SLC41A2: variants seen among roughly 807,000 people sequenced by gnomAD.
SLC41A2 encodes the protein solute carrier family 41 member 2.
SLC41A2 carries 32 observed loss-of-function variants against 58.3 expected under a neutral mutation model. The ratio of observed to expected loss-of-function variants is 0.55; its 90% confidence interval spans 0.41 to 0.74. SLC41A2 has a LOEUF of 0.74. Among genes scored for constraint, SLC41A2 ranks in the 30% least tolerant of loss-of-function variants. The probability of loss-of-function intolerance (pLI) is 0.00; values close to 1 mark genes in which losing one functional copy is unlikely to be tolerated. For missense variants in SLC41A2, 514 were observed against 680.6 expected (o/e 0.76, Z 2.72); for synonymous variants, 190 against 235.0 (o/e 0.81, Z 1.75).
intron 1 of SLC41A2, among the ~76,000 whole-genome samples, chr12:104,942,054 T>C (rs2047530639): frequency 6.6e-6 from 1 of 152,186 alleles, no homozygotes; most frequent in African/African-American, 2.4e-5. Flanking sequence ...GAGAACTCTA[T>C]TTTGAAGTTG....
At chr12:104,908,852 G>A (rs1428812354) in intron 3 of SLC41A2, among the ~76,000 whole-genome samples, 1 of 152,044 alleles carries the variant, frequency 6.6e-6, no homozygotes, top group Non-Finnish European at 1.5e-5. Context: ...TTTCTGAATA[G>A]TAATTACAAT....
At chr12:104,880,747 T>C (rs1180864694) in intron 6 of SLC41A2, among the ~76,000 whole-genome samples, 1 of 152,226 alleles carries the variant, frequency 6.6e-6, no homozygotes, top group Non-Finnish European at 1.5e-5. Context: ...TTTGTGTCAA[T>C]GTTTATCAGG....
intron 10 of SLC41A2, chr12:104,833,943 T>A: frequency 1.2e-6 from 1 of 854,736 alleles, no homozygotes; most frequent in Non-Finnish European, 1.4e-6. Context: ...TTCCTCTAAA[T>A]CATATCTGCA....
At chr12:104,912,235 T>C (rs1008797520) in intron 2 of SLC41A2, among the ~76,000 whole-genome samples, 7 of 152,214 alleles carry the variant, frequency 4.6e-5, no homozygotes. Context: ...AATTTAGTGA[T>C]ACACAAAGTG....
At chr12:104,916,166 G>T (rs1301988672) in intron 2 of SLC41A2, among the ~76,000 whole-genome samples, 1 of 152,108 alleles carries the variant, frequency 6.6e-6, no homozygotes, top group East Asian at 1.9e-4. Flanking sequence ...GCTGGATTCG[G>T]TTTGCCAGTA....
intron 6 of SLC41A2, among the ~76,000 whole-genome samples, chr12:104,870,528 T>C (rs1045316263): frequency 9.2e-5 from 14 of 152,236 alleles, no homozygotes; most frequent in Admixed American, 8.5e-4. Flanking sequence ...TTAAAACTTC[T>C]TGGAATTTTA....
chr12:104,910,651 A>G (rs2046044849), intron 2 of SLC41A2, among the ~76,000 whole-genome samples: 1 of 152,164 alleles, frequency 6.6e-6, no homozygotes, highest in African/African-American at 2.4e-5. Flanking sequence ...TTTAAAATTC[A>G]GGCATAACTG....
intron 1 of SLC41A2, among the ~76,000 whole-genome samples, chr12:104,937,629 T>C (rs2047336949): frequency 6.6e-6 from 1 of 152,194 alleles, no homozygotes; most frequent in Admixed American, 6.5e-5. Context: ...TCCCCATCAT[T>C]AAGCCCTTCA....
intron 10 of SLC41A2, among the ~76,000 whole-genome samples, chr12:104,815,601 T>A (rs1314644667): frequency 6.6e-6 from 1 of 152,158 alleles, no homozygotes; most frequent in East Asian, 1.9e-4. Flanking sequence ...TGAAGAAAGA[T>A]GATTTCTTTG....
chr12:104,874,101 T>A (rs1205740734), intron 6 of SLC41A2, among the ~76,000 whole-genome samples: 1 of 144,014 alleles, frequency 6.9e-6, no homozygotes, highest in Non-Finnish European at 1.5e-5. Context: ...TGAGACAGAG[T>A]CTTGCTCAGT....
At chr12:104,923,308 G>T (rs1351854992) in intron 2 of SLC41A2, among the ~76,000 whole-genome samples, 1 of 147,460 alleles carries the variant, frequency 6.8e-6, no homozygotes, top group Non-Finnish European at 1.5e-5. Context: ...CTTGAAGTGA[G>T]CCGTGATCGT....
chr12:104,877,461 T>G (rs1344815037), intron 6 of SLC41A2, among the ~76,000 whole-genome samples: 1 of 152,070 alleles, frequency 6.6e-6, no homozygotes, highest in Non-Finnish European at 1.5e-5. Context: ...TAATTCATCT[T>G]GAATTACTTT....
intron 10 of SLC41A2, among the ~76,000 whole-genome samples, chr12:104,820,352 A>C (rs2041579158): frequency 6.6e-6 from 1 of 152,196 alleles, no homozygotes; most frequent in South Asian, 2.1e-4. Flanking sequence ...AGTTCTAGCT[A>C]CTCAGGAGGC....
intron 2 of SLC41A2, among the ~76,000 whole-genome samples, chr12:104,914,189 T>A (rs1218099776): frequency 6.6e-6 from 1 of 152,206 alleles, no homozygotes; most frequent in Non-Finnish European, 1.5e-5. Flanking sequence ...AAAGAATACC[T>A]AACAATCCTA....
At position 104,909,649 on chromosome 12, in the gene SLC41A2, A is replaced by C. The variant is rs1427352010; in HGVS notation, c.663+6T>G. ...TACACATAATTTGAGGTAGGAAAAA[A>C]CTTACTGCAGTGGATAATCTGGATG... On this transcript the variant is annotated splice_donor_region_variant and intron_variant, in intron 3 of 10. Transcript: ENST00000258538. 3 of 1,593,266 alleles carry C rather than the reference A, an allele frequency of 1.9e-6. No individual in the cohort carries two copies. Among genetic ancestry groups the C allele is most frequent in the African/African-American group, 1.3e-5 (1 of 74,104 alleles).
At chr12:104,856,594 G>A (rs2043028231) in intron 8 of SLC41A2, among the ~76,000 whole-genome samples, 1 of 152,126 alleles carries the variant, frequency 6.6e-6, no homozygotes. Context: ...GGGAAAAGAT[G>A]TAAGAGAGGA....
chr12:104,833,972 G>C, intron 10 of SLC41A2: 1 of 965,174 alleles, frequency 1.0e-6, no homozygotes. Context: ...AGGATTCAGA[G>C]CACAGGAAGC....
chr12:104,822,764 T>C (rs557221604), intron 10 of SLC41A2, among the ~76,000 whole-genome samples: 6 of 152,166 alleles, frequency 3.9e-5, no homozygotes, highest in Admixed American at 6.5e-5. Context: ...GAGTAATAGA[T>C]ATCTCTAGAA....
chr12:104,821,603 G>A (rs973512761), intron 10 of SLC41A2, among the ~76,000 whole-genome samples: 4 of 152,196 alleles, frequency 2.6e-5, no homozygotes, highest in East Asian at 3.9e-4. Context: ...AAAAAAAGTC[G>A]CTTAAGCATA....
Sources: allele counts gnomAD v4.1 joint callset (sites outside exome capture counted in the v4.1 genomes callset), GRCh38; gene constraint gnomAD v4.1.1; transcripts MANE v1.5; gene names NCBI Gene and HGNC (gene_info 2026-07-23, HGNC 2026-07-21).